TMEM198: variants seen among roughly 807,000 people sequenced by gnomAD.
TMEM198 encodes the protein transmembrane protein 198.
A neutral mutation model predicts 31.5 loss-of-function variants in TMEM198; 21 were observed. That is an observed-to-expected ratio of 0.67 (90% CI 0.47 to 0.96). TMEM198 has a LOEUF of 0.96. TMEM198 is among the 40% of genes least tolerant of loss of function. The pLI, the probability that TMEM198 is intolerant of heterozygous loss-of-function variation, is 0.00. For missense variants in TMEM198, 447 were observed against 499.4 expected, an observed-to-expected ratio of 0.89 and a Z score of 1.00; for synonymous variants, 211 against 223.3, an observed-to-expected ratio of 0.95 and a Z score of 0.49.
intron 3 of TMEM198, among the ~76,000 whole-genome samples, chr2:219,548,866 AGAT>A (rs1206591537): frequency 2.0e-5 from 3 of 152,122 alleles, no homozygotes; most frequent in Admixed American, 1.3e-4. Flanking sequence ...TCCAGTGGAA[AGAT>A]GATGATGGCT....
chr2:219,548,575 G>A (rs556175637), intron 3 of TMEM198, among the ~76,000 whole-genome samples: 8 of 152,218 alleles, frequency 5.3e-5, no homozygotes, highest in African/African-American at 1.2e-4. Flanking sequence ...CAGCAAGGGC[G>A]AGGGCCCTGA....
chr2:219,550,511 A>G lies in TMEM198; in HGVS notation c.*657A>G, dbSNP rs2106000988. 1 of 383,494 alleles carries G rather than the reference A, an allele frequency of 2.6e-6. No individual in the cohort carries two copies. Among genetic ancestry groups the G allele is most frequent in the South Asian group, 3.6e-5 (1 of 27,502 alleles). The allele number at this position is 383,494 out of a possible 1,614,324, so 23.8% of individuals were successfully genotyped here. A position where few individuals can be genotyped will look rare whatever the true frequency, so the allele number is the denominator to read the frequency against. On this transcript the variant is annotated 3_prime_UTR_variant, in exon 5 of 5. Transcript: ENST00000373883. The stretch of plus-strand genomic sequence containing the variant: ...TGTCTGGTGTCTGTCATGCCAACCT[A>G]GACACCTCATGCTTCTGTCTCCCCC...
intron 4 of TMEM198, 123 bp from the exon 5 acceptor site, chr2:219,549,594 G>C (rs1029484474): frequency 6.8e-7 from 1 of 1,461,680 alleles, no homozygotes. Context: ...TGGGGTCTCA[G>C]GGCTGTGGAC....
Position 219,550,013 on chromosome 2 carries a change from G to C in TMEM198, c.*159G>C. 9.6e-7 allele frequency: 1 copy of C among 1,038,258 alleles called. No individual in the cohort carries two copies. Among genetic ancestry groups the C allele is most frequent in the African/African-American group, 1.6e-5 (1 of 62,274 alleles). 64.3% of individuals were successfully genotyped at this position (1,038,258 alleles called of 1,614,324 possible). The stretch of plus-strand genomic sequence containing the variant: ...GGAGGATTGTCTCAGGCGAGTCTTG[G>C]CCTGAGAGGAAAGCCCCCTCCCAAG... On this transcript the variant is annotated 3_prime_UTR_variant, in exon 5 of 5. Transcript: ENST00000373883.
At chr2:219,548,946 T>G in intron 3 of TMEM198, 1 of 591,628 alleles carries the variant, frequency 1.7e-6, no homozygotes, top group Non-Finnish European at 3.0e-6. Flanking sequence ...CAACCTTCCA[T>G]AAAGACCTAT....
Position 219,544,725 on chromosome 2 carries a change from A to G in TMEM198, c.-3A>G. On this transcript the variant is annotated 5_prime_UTR_variant, in exon 2 of 5. Transcript: ENST00000373883. ...AGGGTGACTCCCTTCTATTCCCAGCACTATGCCGGGGACTGTGGCAACACT... is the reference window on the plus strand; with the variant it reads ...AGGGTGACTCCCTTCTATTCCCAGCGCTATGCCGGGGACTGTGGCAACACT... 6.2e-7 allele frequency: 1 copy of G among 1,613,272 alleles called. No individual in the cohort carries two copies. Among genetic ancestry groups the G allele is most frequent in the Non-Finnish European group, 8.5e-7 (1 of 1,179,846 alleles).
intron 2 of TMEM198, among the ~76,000 whole-genome samples, chr2:219,545,430 C>T (rs995188198): frequency 6.6e-5 from 10 of 152,176 alleles, no homozygotes; most frequent in East Asian, 5.8e-4. Flanking sequence ...AGGCAGGCTC[C>T]GGTAATCAGA....
In TMEM198 at chr2:219,549,265, C is replaced by T. The variant is rs758782842; in HGVS notation, c.856C>T (p.Arg286Trp). The change falls in exon 4 of 5, where the codon CGG becomes TGG. Residue 286 changes from arginine (R) to tryptophan (W), a missense_variant. By Grantham distance (101) the Arg-to-Trp change is moderately radical. Transcript: ENST00000373883. ...TCCTCGGGCTCCCCTCAGAGGTCCC[C>T]GGGCTCCTCCCAGGCCTGGGCCACC... ...RPPRAPLRGP[R>W]APPRPGPPDP... 111 of 1,613,840 alleles carry T rather than the reference C, an allele frequency of 6.9e-5. No individual in the cohort carries two copies. The highest frequency in any genetic ancestry group is 8.1e-5 in the Non-Finnish European group (96 of 1,180,044).
intron 1 of TMEM198, 57 bp from the exon 2 acceptor site, chr2:219,544,632 C>A: frequency 6.9e-7 from 1 of 1,456,616 alleles, no homozygotes; most frequent in Non-Finnish European, 9.4e-7. Flanking sequence ...CCCTCTCCCA[C>A]CCCCATCCTG....
chr2:219,545,752 G>A (rs748047893), intron 2 of TMEM198, among the ~76,000 whole-genome samples: 8 of 152,082 alleles, frequency 5.3e-5, no homozygotes, highest in Non-Finnish European at 1.0e-4. Context: ...GGGACCAGTG[G>A]GGGCAAATGA....
At chr2:219,547,410 GT>G (rs1695410823) in intron 2 of TMEM198, 95 bp from the exon 3 acceptor site, 5 of 1,005,950 alleles carry the variant, frequency 5.0e-6, no homozygotes, top group Non-Finnish European at 6.7e-6. Flanking sequence ...TTTGTCTCTG[GT>G]TCCCCTGGGA....
At chr2:219,548,153 G>A (rs1695432718) in intron 3 of TMEM198, 72 bp downstream of exon 3, 4 of 1,340,082 alleles carry the variant, frequency 3.0e-6, no homozygotes, top group Non-Finnish European at 4.0e-6. Flanking sequence ...CCAAGTGACT[G>A]GGGAGTGGGG....
In TMEM198 at chr2:219,544,309, C is replaced by A; in HGVS notation, c.-108C>A. ...CAGTCAGTTGGAGCCTCTGGCGCCC[C>A]GCAACCCCGGCCCCTCGGGCCTCTG... On this transcript the variant is annotated 5_prime_UTR_variant, in exon 1 of 5. Transcript: ENST00000373883. The A allele has an allele frequency of 2.1e-6, 1 of 472,186 alleles. No homozygotes were observed. The highest frequency in any genetic ancestry group is 4.3e-6 in the Non-Finnish European group (1 of 230,776). 29.2% of individuals were successfully genotyped at this position (472,186 alleles called of 1,614,324 possible). A position where few individuals can be genotyped will look rare whatever the true frequency, so the allele number is the denominator to read the frequency against.
At chr2:219,548,953 C>A (rs1341599836) in intron 3 of TMEM198, 199 bp from the exon 4 acceptor site, 3 of 605,694 alleles carry the variant, frequency 5.0e-6, no homozygotes, top group East Asian at 5.6e-5. Flanking sequence ...CCATAAAGAC[C>A]TATGGAAGAA....
chr2:219,549,482 A>C, intron 4 of TMEM198, 128 bp downstream of exon 4: 1 of 1,307,880 alleles, frequency 7.6e-7, no homozygotes, highest in South Asian at 1.5e-5. Flanking sequence ...CTGTTTGTCC[A>C]TGCATCGGAG....
intron 3 of TMEM198, among the ~76,000 whole-genome samples, chr2:219,548,903 T>A (rs1036110567): frequency 6.6e-6 from 1 of 151,698 alleles, no homozygotes; most frequent in East Asian, 1.9e-4. Flanking sequence ...GGGAGAGGGA[T>A]GACAGCCTGG....
At chr2:219,549,482 A>G (rs916769442) in intron 4 of TMEM198, 128 bp downstream of exon 4, 1 of 1,307,882 alleles carries the variant, frequency 7.6e-7, no homozygotes, top group Admixed American at 2.7e-5. Context: ...CTGTTTGTCC[A>G]TGCATCGGAG....
At chr2:219,543,899 T>G, upstream of TMEM198, 10 of 332,460 alleles carry the variant, frequency 3.0e-5, no homozygotes, top group East Asian at 1.7e-4. Flanking sequence ...CCCCCGGAAG[T>G]GCCCCCTCCT....
At chr2:219,548,109 T>A in intron 3 of TMEM198, 28 bp downstream of exon 3, 4 of 1,488,004 alleles carry the variant, frequency 2.7e-6, no homozygotes, top group Middle Eastern at 2.3e-4. Context: ...AAGGTGGACA[T>A]GAGAGGAGTG....
Sources: allele counts gnomAD v4.1 joint callset (sites outside exome capture counted in the v4.1 genomes callset), GRCh38; gene constraint gnomAD v4.1.1; transcripts MANE v1.5; gene names NCBI Gene and HGNC (gene_info 2026-07-23, HGNC 2026-07-21).